Variants in FAT3 observed in about 807,000 individuals in gnomAD.
FAT3 encodes protocadherin Fat 3.
FAT3 carries 95 observed loss-of-function variants against 310.2 expected under a neutral mutation model. The observed-to-expected ratio is 0.31, with a 90% CI of 0.26 to 0.36. The LOEUF is 0.36. Ranked by LOEUF, FAT3 falls within the 10% of genes least tolerant of loss-of-function variation. The pLI, the probability that FAT3 is intolerant of heterozygous loss-of-function variation, is 1.00. For synonymous variants in FAT3, 2,314 were observed against 2,192.9 expected (o/e 1.06, Z -1.54); for missense variants, 5,408 against 5,715.6 (o/e 0.95, Z 1.74).
chr11:92,796,378 G>T (rs551862100), intron 9 of FAT3, among the ~76,000 whole-genome samples: 14 of 152,170 alleles, frequency 9.2e-5, no homozygotes, highest in African/African-American at 3.4e-4. Flanking sequence ...CTCTTTATTA[G>T]ATATACTTTG....
At chr11:92,872,859 G>A (rs1318849646) in intron 22 of FAT3, among the ~76,000 whole-genome samples, 1 of 152,174 alleles carries the variant, frequency 6.6e-6, no homozygotes, top group Non-Finnish European at 1.5e-5. Flanking sequence ...AAGTTGAAAT[G>A]GCAAAGTAAC....
At position 92,248,302 on chromosome 11, in the gene FAT3, A is replaced by G. The variant is rs186841671; in HGVS notation, c.-18+23128A>G. Among the ~76,000 whole-genome samples the G allele has an allele frequency of 1.1e-3, 162 of 152,256 alleles. 2 individuals carry two copies. The highest frequency in any genetic ancestry group is 3.8e-3 in the African/African-American group (159 of 41,578). On this transcript the variant is annotated intron_variant, in intron 1 of 27. Coordinates refer to ENST00000525166, the MANE Select transcript of FAT3 (RefSeq NM_001367949.2). ...ATCAGATAAAATGAATTGGAAGAGT[A>G]TATCATTTTTAGTATTTGAATCAAC...
At chr11:92,751,312 G>T (rs1945822042) in intron 4 of FAT3, among the ~76,000 whole-genome samples, 1 of 152,146 alleles carries the variant, frequency 6.6e-6, no homozygotes, top group Non-Finnish European at 1.5e-5. Context: ...CTGATAAAAG[G>T]ATCCATGAGT....
rs186208328 is a variant in FAT3, at chr11:92,364,571, A to T, written c.3292+9167A>T. 1.2e-4 allele frequency among the ~76,000 whole-genome samples: 18 copies of T among 152,368 alleles called. No homozygotes were observed. In the East Asian group the frequency reaches 3.3e-3, roughly 28 times the overall value. On this transcript the variant is annotated intron_variant, in intron 2 of 27. Transcript: ENST00000525166. ...ATATTTATGTGATGCCACTACATTC[A>T]CAATGTTTCGTTGAAAAGAAAATGA... is the stretch of plus-strand genomic sequence containing the variant.
intron 2 of FAT3, among the ~76,000 whole-genome samples, chr11:92,453,597 G>T (rs145821873): frequency 6.6e-6 from 1 of 152,034 alleles, no homozygotes; most frequent in East Asian, 1.9e-4. Context: ...TATAAGCATA[G>T]TCTAGCTCTG....
At chr11:92,495,838 C>A (rs546278774) in intron 2 of FAT3, among the ~76,000 whole-genome samples, 1 of 152,002 alleles carries the variant, frequency 6.6e-6, no homozygotes, top group Non-Finnish European at 1.5e-5. Flanking sequence ...TTTAACAGAG[C>A]TGTGTAGTGT....
chr11:92,805,426 T>C, intron 11 of FAT3, 77 bp downstream of exon 11: 1 of 1,461,162 alleles, frequency 6.8e-7, no homozygotes, highest in Non-Finnish European at 9.2e-7. Context: ...CTTTTCTTCT[T>C]AAGGCCAGGC....
chr11:92,795,024 G>C (rs147359280), intron 9 of FAT3, among the ~76,000 whole-genome samples: 1 of 152,148 alleles, frequency 6.6e-6, no homozygotes, highest in Non-Finnish European at 1.5e-5. Flanking sequence ...TCTGTTTATT[G>C]GTGGGCTATA....
intron 3 of FAT3, among the ~76,000 whole-genome samples, chr11:92,651,284 G>A (rs557603028): frequency 2.6e-5 from 4 of 152,344 alleles, no homozygotes; most frequent in South Asian, 4.1e-4. Context: ...ATGTGTGCAG[G>A]TAACGTGGAA....
intron 3 of FAT3, among the ~76,000 whole-genome samples, chr11:92,631,876 C>T (rs538714273): frequency 5.3e-4 from 81 of 152,188 alleles, no homozygotes; most frequent in Non-Finnish European, 9.4e-4. Flanking sequence ...CTGTGTTCTT[C>T]GATATTATGG....
At chr11:92,261,910 A>G (rs1448893719) in intron 1 of FAT3, among the ~76,000 whole-genome samples, 2 of 151,930 alleles carry the variant, frequency 1.3e-5, no homozygotes, top group Admixed American at 1.3e-4. Flanking sequence ...ATCTAATTAA[A>G]TGTATTTTAT....
chr11:92,578,012 T>C (rs1938580178), intron 3 of FAT3, among the ~76,000 whole-genome samples: 2 of 152,206 alleles, frequency 1.3e-5, no homozygotes, highest in African/African-American at 4.8e-5. Context: ...ACAACTGATA[T>C]ATATTAGAAA....
chr11:92,288,585 A>C (rs117474502), intron 1 of FAT3, among the ~76,000 whole-genome samples: 5,829 of 152,234 alleles, frequency 0.038, 155 homozygotes, highest in Middle Eastern at 0.068. Context: ...GTGTGTAAAT[A>C]AATGGATGAA....
intron 2 of FAT3, among the ~76,000 whole-genome samples, chr11:92,435,559 A>T (rs1354191801): frequency 0.014 from 670 of 47,324 alleles, no homozygotes; most frequent in African/African-American, 0.021. Context: ...TCCTTTCTTT[A>T]TTCTTTCTCT....
At chr11:92,276,799 TG>T (rs1272193365) in intron 1 of FAT3, among the ~76,000 whole-genome samples, 1 of 152,188 alleles carries the variant, frequency 6.6e-6, no homozygotes, top group East Asian at 1.9e-4. Context: ...CCGTTGAGTT[TG>T]GGGTAGTTTG....
chr11:92,493,858 G>A (rs539302154), intron 2 of FAT3, among the ~76,000 whole-genome samples: 1 of 152,122 alleles, frequency 6.6e-6, no homozygotes, highest in South Asian at 2.1e-4. Flanking sequence ...AACCACATGG[G>A]AAGTGAAGAC....
intron 3 of FAT3, among the ~76,000 whole-genome samples, chr11:92,593,782 C>A (rs924565971): frequency 6.6e-6 from 1 of 152,150 alleles, no homozygotes. Context: ...AATCTCTTAT[C>A]GGAATGCATG....
In FAT3 at chr11:92,801,923, C is replaced by A; in HGVS notation, c.8896+14C>A. On this transcript the variant is annotated intron_variant, in intron 10 of 27. Transcript: ENST00000525166. ...ACCATATTACAGGTGAGTAAATACC[C>A]CCAGTTTTCATTATGTGCACTGCTT... is the stretch of plus-strand genomic sequence containing the variant. 6.2e-7 allele frequency: 1 copy of A among 1,604,308 alleles called. No individual in the cohort carries two copies. The highest frequency in any genetic ancestry group is 2.2e-5 in the East Asian group (1 of 44,724).
rs1050730539 is a variant in FAT3, at chr11:92,892,611, C to G, written c.*1498C>G. ...TATTTTTAGTAGAGATGGGGTTTCA[C>G]CATGTTGGCCAGGCTGGTCTCAAAC... On this transcript the variant is annotated 3_prime_UTR_variant, in exon 28 of 28. Transcript: ENST00000525166. 1 of 152,156 alleles carries G rather than the reference C, an allele frequency of 6.6e-6. No individual in the cohort carries two copies. 9.4% of individuals were successfully genotyped at this position (152,156 alleles called of 1,614,324 possible).
Sources: allele counts gnomAD v4.1 joint callset (sites outside exome capture counted in the v4.1 genomes callset), GRCh38; gene constraint gnomAD v4.1.1; transcripts MANE v1.5; gene names NCBI Gene and HGNC (gene_info 2026-07-23, HGNC 2026-07-21).